Variants in FER1L6 observed in about 807,000 individuals in gnomAD.
FER1L6 encodes fer-1 like family member 6.
FER1L6 carries 177 observed loss-of-function variants against 219.2 expected under a neutral mutation model. The observed-to-expected ratio is 0.81, with a 90% CI of 0.71 to 0.91. The LOEUF (loss-of-function observed/expected upper bound fraction) is 0.91. Ranked by LOEUF, FER1L6 falls within the 40% of genes least tolerant of loss-of-function variation. The pLI is 0.00. For missense variants in FER1L6, 2,153 were observed against 2,259.9 expected, an observed-to-expected ratio of 0.95 and a Z score of 0.96; for synonymous variants, 768 against 824.3, an observed-to-expected ratio of 0.93 and a Z score of 1.17.
rs564283898 is a variant in FER1L6, at chr8:123,972,910, G to A, written c.448-524G>A. Among the ~76,000 whole-genome samples the A allele has an allele frequency of 9.8e-5, 15 of 152,322 alleles. No homozygotes were observed. In the South Asian group the frequency reaches 1.4e-3, roughly 15 times the overall value. On this transcript the variant is annotated intron_variant, in intron 6 of 40. Coordinates refer to ENST00000522917, the MANE Select transcript of FER1L6 (RefSeq NM_001039112.2). ...AGCATTAGCATGAAAATGGGCTGCT[G>A]TAACCAAGCCAGGCCCTCTGCTGGC... is the stretch of plus-strand genomic sequence containing the variant.
chr8:123,979,272 T>C lies in FER1L6; in HGVS notation c.1064-1193T>C, dbSNP rs1816221806. 2.0e-5 allele frequency among the ~76,000 whole-genome samples: 3 copies of C among 152,340 alleles called. No homozygotes were observed. In the South Asian group the frequency reaches 6.2e-4, roughly 32 times the overall value. Reference sequence around the variant, plus strand: ...GGGCCTGCGTGAAGCACTCAATTGATAGTTTCTTTTAATTTTGAGAAATAA... The same window carrying C: ...GGGCCTGCGTGAAGCACTCAATTGACAGTTTCTTTTAATTTTGAGAAATAA... On this transcript the variant is annotated intron_variant, in intron 10 of 40. Coordinates refer to ENST00000522917, the MANE Select transcript of FER1L6 (RefSeq NM_001039112.2).
At chr8:124,063,579 AC>A (rs1820691568) in intron 25 of FER1L6, among the ~76,000 whole-genome samples, 1 of 152,144 alleles carries the variant, frequency 6.6e-6, no homozygotes, top group African/African-American at 2.4e-5. Context: ...TTTCTCATAA[AC>A]CAAGTTGTCA....
intron 11 of FER1L6, 96 bp downstream of exon 11, chr8:123,980,907 T>C: frequency 9.3e-7 from 1 of 1,070,582 alleles, no homozygotes. Context: ...TGTCAGAATA[T>C]GTCTTATTCC....
intron 29 of FER1L6, 54 bp downstream of exon 29, chr8:124,069,529 G>A: frequency 1.5e-6 from 2 of 1,345,846 alleles, no homozygotes; most frequent in Admixed American, 2.1e-5. Flanking sequence ...GCTCAGCAAT[G>A]AGGTTCTGTC....
chr8:123,941,984 C>T (rs1017881361), intron 1 of FER1L6, among the ~76,000 whole-genome samples: 14 of 152,168 alleles, frequency 9.2e-5, no homozygotes, highest in East Asian at 5.8e-4. Context: ...TCTTTGATTC[C>T]GAGTGGAATC....
chr8:123,976,976 G>A (rs1394246757), intron 9 of FER1L6, among the ~76,000 whole-genome samples: 1 of 152,220 alleles, frequency 6.6e-6, no homozygotes, highest in Non-Finnish European at 1.5e-5. Flanking sequence ...TGTCCCCTTG[G>A]CAGGGGTGAA....
chr8:123,938,263 G>A (rs1563695356), intron 1 of FER1L6, among the ~76,000 whole-genome samples: 2 of 152,190 alleles, frequency 1.3e-5, no homozygotes, highest in African/African-American at 2.4e-5. Flanking sequence ...ACATGGGAAT[G>A]CATATTCCCA....
intron 6 of FER1L6, 54 bp from the exon 7 acceptor site, chr8:123,973,380 G>A: frequency 7.1e-7 from 1 of 1,414,192 alleles, no homozygotes; most frequent in Non-Finnish European, 1.0e-6. Context: ...CAAGGGTCAA[G>A]GCCTCTTATC....
At chr8:123,932,024 A>C (rs1351324390) in intron 1 of FER1L6, among the ~76,000 whole-genome samples, 1 of 152,222 alleles carries the variant, frequency 6.6e-6, no homozygotes, top group East Asian at 1.9e-4. Flanking sequence ...TAGGCCTTTT[A>C]CTCAGAACCA....
At chr8:123,905,010 C>G (rs1812925423) in intron 1 of FER1L6, among the ~76,000 whole-genome samples, 1 of 152,160 alleles carries the variant, frequency 6.6e-6, no homozygotes, top group South Asian at 2.1e-4. Flanking sequence ...CCAGCACACC[C>G]CTGAAGACAT....
chr8:124,078,446 C>T (rs906295038), intron 32 of FER1L6, among the ~76,000 whole-genome samples: 1 of 152,218 alleles, frequency 6.6e-6, no homozygotes, highest in Non-Finnish European at 1.5e-5. Context: ...TACTCATTCA[C>T]ATCTGCAGGA....
chr8:123,945,885 T>G (rs992899718), intron 1 of FER1L6, among the ~76,000 whole-genome samples: 19 of 152,238 alleles, frequency 1.2e-4, no homozygotes, highest in African/African-American at 4.6e-4. Flanking sequence ...TGAACTTCCT[T>G]TCATATGTCT....
At chr8:124,082,142 C>T (rs770085992) in intron 32 of FER1L6, 146 bp from the exon 33 acceptor site, 1 of 529,862 alleles carries the variant, frequency 1.9e-6, no homozygotes, top group Admixed American at 3.7e-5. Context: ...AAAATTAAAC[C>T]AAACAAATAT....
At chr8:123,881,278 T>C (rs1817104433) in intron 1 of FER1L6, among the ~76,000 whole-genome samples, 1 of 152,206 alleles carries the variant, frequency 6.6e-6, no homozygotes, top group South Asian at 2.1e-4. Flanking sequence ...TGTAGTTGTC[T>C]TCCTGATGAA....
At chr8:123,903,575 G>A (rs1031478987) in intron 1 of FER1L6, among the ~76,000 whole-genome samples, 6 of 152,058 alleles carry the variant, frequency 3.9e-5, no homozygotes, top group African/African-American at 9.7e-5. Flanking sequence ...GCTTCAAAGA[G>A]CATGTTTACG....
At chr8:123,855,802 A>G (rs918344791) in intron 1 of FER1L6, among the ~76,000 whole-genome samples, 7 of 144,586 alleles carry the variant, frequency 4.8e-5, no homozygotes, top group Admixed American at 6.9e-5. Flanking sequence ...ATATATATAT[A>G]TGTGTATATA....
At chr8:123,888,694 T>C (rs1817249335) in intron 1 of FER1L6, among the ~76,000 whole-genome samples, 1 of 152,170 alleles carries the variant, frequency 6.6e-6, no homozygotes, top group Admixed American at 6.5e-5. Flanking sequence ...CTGGATCACC[T>C]ATTTGGGTTA....
In FER1L6 at chr8:123,975,350, C is replaced by T. The variant is rs1017116476; in HGVS notation, c.683+44C>T. 8 of 1,502,212 alleles carry T rather than the reference C, an allele frequency of 5.3e-6. 1 individual carries two copies. The highest frequency in any genetic ancestry group is 4.0e-4 in the Middle Eastern group (2 of 5,054). The allele number at this position is 1,502,212 out of a possible 1,614,324, so 93.1% of individuals were successfully genotyped here. ...GGGTTGTGCATAGAAATGATATGTC[C>T]AATTTTAATCTCTTTCCCCTCCCTC... On this transcript the variant is annotated intron_variant, in intron 8 of 40. Transcript: ENST00000522917.
chr8:123,944,552 TTA>T (rs144720120), intron 1 of FER1L6, among the ~76,000 whole-genome samples: 4,167 of 151,130 alleles, frequency 0.028, 209 homozygotes, highest in African/African-American at 0.095. Flanking sequence ...AGGAGGTAAG[TTA>T]TATATATATA....
Sources: gnomAD v4.1 joint callset for allele counts (sites outside exome capture counted in the v4.1 genomes callset) on GRCh38, gnomAD v4.1.1 for gene constraint, MANE v1.5 for transcripts, NCBI Gene and HGNC (gene_info 2026-07-23, HGNC 2026-07-21) for gene names.